Variants in GALNT13 observed in about 807,000 individuals in gnomAD.
The protein encoded by GALNT13 is UDP-GalNAc:polypeptide N-acetylgalactosaminyltransferase 13.
GALNT13 carries 28 observed loss-of-function variants against 64.2 expected under a neutral mutation model. The observed-to-expected ratio is 0.44, with a 90% CI of 0.32 to 0.60. The LOEUF is 0.60. Among genes scored for constraint, GALNT13 ranks in the 20% least tolerant of loss-of-function variants. The pLI, the probability that GALNT13 is intolerant of heterozygous loss-of-function variation, is 0.05. For missense variants in GALNT13, 577 were observed against 669.8 expected (o/e 0.86, Z 1.53); for synonymous variants, 214 against 224.6 (o/e 0.95, Z 0.42).
intron 3 of GALNT13, among the ~76,000 whole-genome samples, chr2:153,962,092 C>T (rs559059759): frequency 1.3e-5 from 2 of 152,264 alleles, no homozygotes; most frequent in East Asian, 3.9e-4. Flanking sequence ...GTTTACCTTA[C>T]ACACAACCCA....
the GALNT13 span, among the ~76,000 whole-genome samples, chr2:153,410,840 TACAC>T: frequency 5.3e-5 from 8 of 151,348 alleles, no homozygotes; most frequent in Admixed American, 2.6e-4. Context: ...GAAAAATATT[TACAC>T]ACACACACAC....
intron 8 of GALNT13, among the ~76,000 whole-genome samples, chr2:154,284,103 C>T (rs1301451622): frequency 6.6e-6 from 1 of 152,140 alleles, no homozygotes; most frequent in African/African-American, 2.4e-5. Flanking sequence ...ACCTCCCCAA[C>T]TTATTTTTAT....
intron 3 of GALNT13, among the ~76,000 whole-genome samples, chr2:154,017,433 A>G (rs1340474296): frequency 6.6e-6 from 1 of 152,178 alleles, no homozygotes; most frequent in Non-Finnish European, 1.5e-5. Context: ...GGTTAATATG[A>G]TATTAAAATG....
intron 3 of GALNT13, among the ~76,000 whole-genome samples, chr2:154,107,770 C>T (rs1183619094): frequency 6.6e-6 from 1 of 151,974 alleles, no homozygotes; most frequent in African/African-American, 2.4e-5. Flanking sequence ...CCTCCACGCT[C>T]CAATTTTTTT....
At chr2:153,748,896 G>A in the GALNT13 span, among the ~76,000 whole-genome samples, 1 of 151,328 alleles carries the variant, frequency 6.6e-6, no homozygotes, top group African/African-American at 2.4e-5. Flanking sequence ...AGAAAGAAAA[G>A]TTTGCCAAGA....
At chr2:153,209,279 T>G in the GALNT13 span, among the ~76,000 whole-genome samples, 2 of 152,036 alleles carry the variant, frequency 1.3e-5, no homozygotes, top group Non-Finnish European at 2.9e-5. Context: ...CATGCCTGGC[T>G]GGGTTTTGTC....
chr2:154,220,298 T>A (rs977273411), intron 4 of GALNT13, among the ~76,000 whole-genome samples: 2 of 152,140 alleles, frequency 1.3e-5, no homozygotes, highest in African/African-American at 4.8e-5. Flanking sequence ...TAAAGTCATT[T>A]GTAGAGATTA....
the GALNT13 span, among the ~76,000 whole-genome samples, chr2:153,601,937 G>A: frequency 6.6e-6 from 1 of 151,824 alleles, no homozygotes; most frequent in South Asian, 2.1e-4. Context: ...ATGGTGAATC[G>A]CTTGACTCAT....
chr2:154,374,701 CAAAG>C (rs1697883072), intron 9 of GALNT13, among the ~76,000 whole-genome samples: 1 of 152,130 alleles, frequency 6.6e-6, no homozygotes, highest in South Asian at 2.1e-4. Context: ...CTTTTGCAGT[CAAAG>C]AAAAGTGTGG....
the GALNT13 span, among the ~76,000 whole-genome samples, chr2:153,168,479 T>C: frequency 1.3e-5 from 2 of 152,208 alleles, no homozygotes; most frequent in Non-Finnish European, 2.9e-5. Flanking sequence ...ATATATACAT[T>C]ATGAAATTAT....
chr2:153,098,566 A>T, the GALNT13 span, among the ~76,000 whole-genome samples: 1 of 152,218 alleles, frequency 6.6e-6, no homozygotes. Flanking sequence ...GACTTAAAAA[A>T]ATTTAAAATC....
chr2:153,160,088 G>C, the GALNT13 span, among the ~76,000 whole-genome samples: 5 of 152,320 alleles, frequency 3.3e-5, no homozygotes, highest in East Asian at 7.7e-4. Context: ...GCAATCTTGG[G>C]ATGTAGAAAG....
At chr2:153,964,081 C>T (rs1014509008) in intron 3 of GALNT13, among the ~76,000 whole-genome samples, 7 of 151,466 alleles carry the variant, frequency 4.6e-5, no homozygotes. Context: ...TTTTCCCCCC[C>T]AAAAGAAACC....
At chr2:154,022,750 T>C (rs1697615743) in intron 3 of GALNT13, among the ~76,000 whole-genome samples, 4 of 152,326 alleles carry the variant, frequency 2.6e-5, no homozygotes, top group Admixed American at 1.3e-4. Flanking sequence ...TCTGAATGTG[T>C]TTGCTCTTGC....
At chr2:154,437,200 C>G (rs911081134) in intron 11 of GALNT13, 1 of 158,772 alleles carries the variant, frequency 6.3e-6, no homozygotes, top group Non-Finnish European at 1.4e-5. Context: ...AACCACCGAC[C>G]CAGCCCCCCA....
At chr2:153,329,360 C>A in the GALNT13 span, among the ~76,000 whole-genome samples, 1 of 152,166 alleles carries the variant, frequency 6.6e-6, no homozygotes, top group Non-Finnish European at 1.5e-5. Context: ...AAACTGCTTT[C>A]CACAGTAGTT....
At chr2:153,449,974 A>AT in the GALNT13 span, among the ~76,000 whole-genome samples, 7 of 152,242 alleles carry the variant, frequency 4.6e-5, no homozygotes, top group African/African-American at 1.7e-4. Context: ...GAGGGAACCT[A>AT]TTCAAACAAT....
chr2:153,159,766 A>T, the GALNT13 span: 1 of 152,276 alleles, frequency 6.6e-6, no homozygotes. Context: ...GAGACAGCTA[A>T]AAACCCTTGA....
the GALNT13 span, among the ~76,000 whole-genome samples, chr2:153,624,142 A>T: frequency 6.6e-6 from 1 of 152,132 alleles, no homozygotes; most frequent in Admixed American, 6.6e-5. Context: ...TTATTTGAAT[A>T]CATGATCCTT....
Sources: allele counts gnomAD v4.1 joint callset (sites outside exome capture counted in the v4.1 genomes callset), GRCh38; gene constraint gnomAD v4.1.1; transcripts MANE v1.5; gene names NCBI Gene and HGNC (gene_info 2026-07-23, HGNC 2026-07-21).